AFG2A: variants seen among roughly 807,000 people sequenced by gnomAD.
The protein encoded by AFG2A is AAA ATPase AFG2A.
At chr4:123,214,483 GC>G in the AFG2A span, among the ~76,000 whole-genome samples, 1 of 151,800 alleles carries the variant, frequency 6.6e-6, no homozygotes, top group Non-Finnish European at 1.5e-5. Flanking sequence ...GGTTTGAATT[GC>G]ACAGGTTCAC....
At chr4:123,006,295 A>T in the AFG2A span, among the ~76,000 whole-genome samples, 2 of 151,804 alleles carry the variant, frequency 1.3e-5, no homozygotes, top group African/African-American at 2.4e-5. Context: ...TCTATATAAC[A>T]TGTCCCCCGG....
At chr4:123,118,916 T>C in the AFG2A span, among the ~76,000 whole-genome samples, 8 of 152,048 alleles carry the variant, frequency 5.3e-5, no homozygotes, top group Non-Finnish European at 1.2e-4. Context: ...GGGCAAATAA[T>C]TTTTTAAGAA....
At chr4:123,240,236 A>G in the AFG2A span, among the ~76,000 whole-genome samples, 3 of 152,236 alleles carry the variant, frequency 2.0e-5, no homozygotes, top group African/African-American at 7.2e-5. Context: ...CAGAAGTTTA[A>G]CAAGGATATC....
At chr4:122,944,092 GT>G in the AFG2A span, among the ~76,000 whole-genome samples, 19 of 152,094 alleles carry the variant, frequency 1.2e-4, no homozygotes, top group Non-Finnish European at 2.2e-4. Flanking sequence ...TTTAACTTTG[GT>G]GAATCTGACA....
At chr4:122,933,524 CT>C in the AFG2A span, 1 of 1,597,992 alleles carries the variant, frequency 6.3e-7, no homozygotes. Flanking sequence ...AAATTGTTTT[CT>C]TAAGTTTTAA....
chr4:123,138,969 A>G, the AFG2A span, among the ~76,000 whole-genome samples: 3 of 152,116 alleles, frequency 2.0e-5, no homozygotes, highest in Non-Finnish European at 4.4e-5. Context: ...TACCAGTGAA[A>G]TGGGAATACT....
the AFG2A span, chr4:122,979,423 G>T: frequency 1.9e-6 from 3 of 1,577,478 alleles, no homozygotes; most frequent in South Asian, 2.3e-5. Context: ...TACACTGTTT[G>T]AATTAAACTC....
At chr4:122,994,227 A>G in the AFG2A span, among the ~76,000 whole-genome samples, 3 of 152,114 alleles carry the variant, frequency 2.0e-5, no homozygotes, top group African/African-American at 7.2e-5. Context: ...ACATTTTTAG[A>G]ATAAAAATGC....
the AFG2A span, among the ~76,000 whole-genome samples, chr4:122,980,509 A>G: frequency 6.6e-6 from 1 of 152,130 alleles, no homozygotes; most frequent in Non-Finnish European, 1.5e-5. Context: ...TTTCCTTTTG[A>G]TATGTACCCA....
At chr4:123,025,968 A>G in the AFG2A span, among the ~76,000 whole-genome samples, 2 of 152,170 alleles carry the variant, frequency 1.3e-5, no homozygotes, top group Non-Finnish European at 2.9e-5. Context: ...ATACTTGGCA[A>G]TGGTTAAGAG....
chr4:123,065,342 T>C, the AFG2A span, among the ~76,000 whole-genome samples: 1 of 152,206 alleles, frequency 6.6e-6, no homozygotes, highest in Non-Finnish European at 1.5e-5. Context: ...GAACAGAACC[T>C]AGGACAGGTT....
chr4:122,927,825 A>G, the AFG2A span: 1 of 1,582,874 alleles, frequency 6.3e-7, no homozygotes, highest in Non-Finnish European at 8.6e-7. Context: ...AAGAATCTAA[A>G]CTCTGAAATG....
the AFG2A span, among the ~76,000 whole-genome samples, chr4:123,216,679 T>TTTA: frequency 3.3e-5 from 5 of 151,630 alleles, no homozygotes; most frequent in Non-Finnish European, 7.4e-5. Context: ...TTTTTTTTTT[T>TTTA]TAAAGAAACA....
At chr4:123,292,427 T>C in the AFG2A span, among the ~76,000 whole-genome samples, 1 of 152,156 alleles carries the variant, frequency 6.6e-6, no homozygotes, top group East Asian at 1.9e-4. Context: ...CTTTGGAGGG[T>C]GTTGTAGAAC....
the AFG2A span, among the ~76,000 whole-genome samples, chr4:123,310,434 A>G: frequency 2.0e-5 from 3 of 152,076 alleles, no homozygotes; most frequent in Non-Finnish European, 4.4e-5. Flanking sequence ...CTGCTTCTCT[A>G]CTCATTTTAT....
chr4:123,105,543 ACCT>A, the AFG2A span, among the ~76,000 whole-genome samples: 6 of 152,124 alleles, frequency 3.9e-5, no homozygotes, highest in African/African-American at 9.7e-5. Flanking sequence ...GGCAAAGTAA[ACCT>A]CCTTGAAAGG....
the AFG2A span, among the ~76,000 whole-genome samples, chr4:123,190,995 C>T: frequency 6.6e-6 from 1 of 152,116 alleles, no homozygotes; most frequent in East Asian, 1.9e-4. Context: ...TCACTCATTA[C>T]CCATTGCTCT....
At chr4:123,018,274 C>G in the AFG2A span, among the ~76,000 whole-genome samples, 3 of 152,122 alleles carry the variant, frequency 2.0e-5, no homozygotes, top group Non-Finnish European at 4.4e-5. Context: ...AGCAGCTGTT[C>G]ACTGTTTTCA....
At chr4:123,237,341 A>T in the AFG2A span, among the ~76,000 whole-genome samples, 1 of 152,068 alleles carries the variant, frequency 6.6e-6, no homozygotes, top group Admixed American at 6.6e-5. Flanking sequence ...TAAACCTGAG[A>T]TGTTTCTAGT....
Sources: gnomAD v4.1 joint callset for allele counts (sites outside exome capture counted in the v4.1 genomes callset) on GRCh38, gnomAD v4.1.1 for gene constraint, MANE v1.5 for transcripts, NCBI Gene and HGNC (gene_info 2026-07-23, HGNC 2026-07-21) for gene names.